Variants in XIRP2 observed in about 807,000 individuals in gnomAD.
XIRP2 encodes the protein xin actin-binding repeat-containing protein 2.
A neutral mutation model predicts 277.0 loss-of-function variants in XIRP2; 236 were observed. The observed-to-expected ratio is 0.85, with a 90% CI of 0.77 to 0.95. The LOEUF (loss-of-function observed/expected upper bound fraction) is 0.95, where lower values mean the gene tolerates loss of function less well. Among genes scored for constraint, XIRP2 ranks in the 40% least tolerant of loss-of-function variants. The probability of loss-of-function intolerance (pLI) is 0.00; values close to 1 mark genes in which losing one functional copy is unlikely to be tolerated. For synonymous variants in XIRP2, 1,490 were observed against 1,416.5 expected (o/e 1.05, Z -1.17); for missense variants, 4,640 against 4,157.5 (o/e 1.12, Z -3.19).
intron 2 of XIRP2, among the ~76,000 whole-genome samples, chr2:167,032,118 G>A (rs1558955658): frequency 6.6e-6 from 1 of 152,006 alleles, no homozygotes; most frequent in Non-Finnish European, 1.5e-5. Context: ...ATAGACAAAT[G>A]GAACAGAAGA....
At chr2:166,942,170 T>C (rs902144855) in intron 2 of XIRP2, among the ~76,000 whole-genome samples, 1 of 152,196 alleles carries the variant, frequency 6.6e-6, no homozygotes. Context: ...GTTTCTAATG[T>C]TGCCATAGGC....
rs1458339518 is a variant in XIRP2, at chr2:167,246,819, C to T, written c.5427C>T (p.Ile1809=). The T allele has an allele frequency of 6.2e-7, 1 of 1,613,846 alleles. No homozygotes were observed. Among genetic ancestry groups the T allele is most frequent in the Admixed American group, 1.7e-5 (1 of 59,988 alleles). ...GTACTGTTAGTGAAACTGACATCAT[C>T]CCTGGAGATGTGCATAACACAGTTA... The part of the protein sequence containing the change: ...VERTVSETDI[I]PGDVHNTVKV... Residue 1809 remains isoleucine (I), a synonymous_variant, in exon 9 of 11, where the codon ATC becomes ATT. Coordinates refer to ENST00000409195, the MANE Select transcript of XIRP2 (RefSeq NM_152381.6).
intron 2 of XIRP2, among the ~76,000 whole-genome samples, chr2:166,939,699 C>CAA (rs796839379): frequency 8.3e-6 from 1 of 120,432 alleles, no homozygotes; most frequent in African/African-American, 3.3e-5. Context: ...AAAAAAAAAA[C>CAA]AAAAAACAAA....
At chr2:166,924,911 G>C (rs1384651049) in intron 2 of XIRP2, among the ~76,000 whole-genome samples, 1 of 152,026 alleles carries the variant, frequency 6.6e-6, no homozygotes, top group Non-Finnish European at 1.5e-5. Context: ...TAACGCAAAA[G>C]CAAGAAAAGA....
At chr2:167,087,197 C>T (rs1303341096) in intron 2 of XIRP2, among the ~76,000 whole-genome samples, 1 of 152,162 alleles carries the variant, frequency 6.6e-6, no homozygotes, top group Non-Finnish European at 1.5e-5. Context: ...TTGGAATACC[C>T]TGCCGTGTGA....
At chr2:167,235,561 G>C (rs922521782) in intron 5 of XIRP2, among the ~76,000 whole-genome samples, 1 of 151,896 alleles carries the variant, frequency 6.6e-6, no homozygotes, top group African/African-American at 2.4e-5. Flanking sequence ...ACAGAGTTCT[G>C]TTAAAGGAGA....
At chr2:167,214,259 AAGAGAGAGAGAGAAAGAGAG>A (rs1694169097) in intron 4 of XIRP2, among the ~76,000 whole-genome samples, 7 of 90,182 alleles carry the variant, frequency 7.8e-5, no homozygotes, top group African/African-American at 2.2e-4. Context: ...GAAGGAAGGA[AAGAGAGAGAGAGAAAGAGAG>A]GGAGGGAGGG....
chr2:166,932,203 T>A (rs758547616), intron 2 of XIRP2, among the ~76,000 whole-genome samples: 3 of 151,006 alleles, frequency 2.0e-5, no homozygotes, highest in Non-Finnish European at 3.0e-5. Context: ...GTATACACAC[T>A]CTCTCTCTCT....
At chr2:167,087,541 C>T (rs1045591365) in intron 2 of XIRP2, among the ~76,000 whole-genome samples, 9 of 152,216 alleles carry the variant, frequency 5.9e-5, no homozygotes, top group Non-Finnish European at 1.2e-4. Flanking sequence ...CTCACCCTGC[C>T]TCGCTGCCGC....
intron 2 of XIRP2, among the ~76,000 whole-genome samples, chr2:166,939,206 G>T (rs1439181028): frequency 2.0e-5 from 3 of 152,050 alleles, no homozygotes; most frequent in South Asian, 2.1e-4. Flanking sequence ...TTACAATTTG[G>T]CATGTTTTTG....
At chr2:166,982,291 G>T (rs1686891256) in intron 2 of XIRP2, among the ~76,000 whole-genome samples, 1 of 147,554 alleles carries the variant, frequency 6.8e-6, no homozygotes. Context: ...TTGGTTTTCA[G>T]CAAATTGTAA....
chr2:167,135,728 G>A (rs1011140751), intron 2 of XIRP2, among the ~76,000 whole-genome samples, 181 bp from the exon 3 acceptor site: 9 of 152,088 alleles, frequency 5.9e-5, no homozygotes, highest in Admixed American at 3.3e-4. Context: ...TAAACTAAGC[G>A]TTCAGATATA....
At chr2:167,101,365 G>A (rs1007355326) in intron 2 of XIRP2, among the ~76,000 whole-genome samples, 23 of 152,146 alleles carry the variant, frequency 1.5e-4, no homozygotes, top group Admixed American at 1.5e-3. Flanking sequence ...GGTGGTGTTT[G>A]GTTGCATGAG....
chr2:167,230,590 T>C (rs1239320367), intron 5 of XIRP2, among the ~76,000 whole-genome samples: 1 of 152,052 alleles, frequency 6.6e-6, no homozygotes, highest in East Asian at 1.9e-4. Flanking sequence ...ATCTTGTTGA[T>C]GGGATTCTAG....
At chr2:166,898,730 C>A (rs556183385) in intron 1 of XIRP2, among the ~76,000 whole-genome samples, 1 of 152,086 alleles carries the variant, frequency 6.6e-6, no homozygotes, top group African/African-American at 2.4e-5. Flanking sequence ...TTTCCTACTA[C>A]CACACAGATC....
intron 2 of XIRP2, among the ~76,000 whole-genome samples, chr2:167,091,807 C>T (rs1247667561): frequency 6.6e-6 from 1 of 152,146 alleles, no homozygotes; most frequent in African/African-American, 2.4e-5. Flanking sequence ...CTCAGATTTT[C>T]ATAACCCAAT....
intron 5 of XIRP2, among the ~76,000 whole-genome samples, chr2:167,238,860 C>A (rs1445212138): frequency 6.6e-6 from 1 of 152,122 alleles, no homozygotes; most frequent in East Asian, 1.9e-4. Flanking sequence ...AGTATGCTAA[C>A]TGCTTCATCA....
chr2:167,255,762 G>C (rs969915474), intron 10 of XIRP2, among the ~76,000 whole-genome samples: 2 of 151,634 alleles, frequency 1.3e-5, no homozygotes, highest in African/African-American at 4.8e-5. Flanking sequence ...TTCTGCAGTT[G>C]TTCTGATATT....
Position 167,256,148 on chromosome 2 carries a change from T to A in XIRP2, c.*40-1709T>A, listed in dbSNP as rs1027381170. On this transcript the variant is annotated intron_variant, in intron 10 of 10. Coordinates refer to ENST00000409195, the MANE Select transcript of XIRP2 (RefSeq NM_152381.6). ...TGTGCTCTTTCTGTATGTTGTTGCA[T>A]GCTTTTTTGTATCAAGAAAGTTTGT... 5.9e-5 allele frequency among the ~76,000 whole-genome samples: 9 copies of A among 151,768 alleles called. No homozygotes were observed. In the South Asian group the frequency reaches 1.7e-3, roughly 28 times the overall value.
Sources: gnomAD v4.1 joint callset for allele counts (sites outside exome capture counted in the v4.1 genomes callset) on GRCh38, gnomAD v4.1.1 for gene constraint, MANE v1.5 for transcripts, NCBI Gene and HGNC (gene_info 2026-07-23, HGNC 2026-07-21) for gene names.